SNTG1: variants seen among roughly 807,000 people sequenced by gnomAD.
The protein encoded by SNTG1 is gamma-1-syntrophin.
SNTG1 carries 39 observed loss-of-function variants against 74.7 expected under a neutral mutation model. The observed-to-expected ratio is 0.52, with a 90% CI of 0.40 to 0.68. The LOEUF (loss-of-function observed/expected upper bound fraction) is 0.68. SNTG1 is among the 30% of genes least tolerant of loss of function. SNTG1 has a pLI of 0.00. For missense variants in SNTG1, 685 were observed against 609.5 expected (o/e 1.12, Z -1.30); for synonymous variants, 254 against 217.1 (o/e 1.17, Z -1.49).
At chr8:50,425,226 G>C (rs903991046) in intron 4 of SNTG1, among the ~76,000 whole-genome samples, 1 of 143,110 alleles carries the variant, frequency 7.0e-6, no homozygotes, top group African/African-American at 2.6e-5. Context: ...TTTAACACAG[G>C]GGTCCCAACT....
intron 1 of SNTG1, among the ~76,000 whole-genome samples, chr8:49,928,075 G>A (rs1807195692): frequency 6.7e-6 from 1 of 149,144 alleles, no homozygotes; most frequent in African/African-American, 2.5e-5. Flanking sequence ...GTTGTAGTGA[G>A]CCGAGATCAC....
At chr8:50,136,507 T>A (rs886613590) in intron 1 of SNTG1, among the ~76,000 whole-genome samples, 1 of 152,126 alleles carries the variant, frequency 6.6e-6, no homozygotes, top group Non-Finnish European at 1.5e-5. Flanking sequence ...TAGTGATCAG[T>A]GATGTTGAGC....
chr8:50,611,173 A>G (rs1236342267), intron 13 of SNTG1, among the ~76,000 whole-genome samples: 1 of 152,144 alleles, frequency 6.6e-6, no homozygotes, highest in Admixed American at 6.6e-5. Flanking sequence ...GCCTGAGAGG[A>G]GATGTATCCT....
At chr8:50,361,713 A>T (rs1645299757) in intron 2 of SNTG1, among the ~76,000 whole-genome samples, 1 of 151,956 alleles carries the variant, frequency 6.6e-6, no homozygotes, top group African/African-American at 2.4e-5. Context: ...TTCCTTTATA[A>T]TCTTACGGGA....
At chr8:50,174,162 T>A (rs1198245663) in intron 2 of SNTG1, among the ~76,000 whole-genome samples, 3 of 152,244 alleles carry the variant, frequency 2.0e-5, no homozygotes, top group African/African-American at 7.2e-5. Flanking sequence ...GCAAAGGACA[T>A]GAACTCATTC....
chr8:50,292,629 G>A, intron 2 of SNTG1, among the ~76,000 whole-genome samples: 1 of 152,122 alleles, frequency 6.6e-6, no homozygotes, highest in South Asian at 2.1e-4. Context: ...AAGACAATGA[G>A]AAGATGTGGG....
At chr8:50,707,903 A>G (rs1451060498) in intron 16 of SNTG1, 1 of 393,364 alleles carries the variant, frequency 2.5e-6, no homozygotes, top group Non-Finnish European at 4.5e-6. Context: ...CAGTATCCGT[A>G]TTTACTATGA....
At position 50,402,887 on chromosome 8, in the gene SNTG1, A is replaced by G. The variant is rs112558451; in HGVS notation, c.162+543A>G. The stretch of plus-strand genomic sequence containing the variant: ...ATTCTTTTCTCCAATGCTCCAACCC[A>G]TTGACACATTACACTGCTCCTAATC... On this transcript the variant is annotated intron_variant, in intron 4 of 18. Coordinates refer to ENST00000642720, the MANE Select transcript of SNTG1 (RefSeq NM_018967.5). Among the ~76,000 whole-genome samples the G allele has an allele frequency of 5.5e-3, 833 of 152,300 alleles. 5 individuals are homozygous for G. The highest frequency in any genetic ancestry group is 0.019 in the African/African-American group (796 of 41,566).
intron 1 of SNTG1, among the ~76,000 whole-genome samples, chr8:50,165,023 C>T (rs2082564028): frequency 1.3e-5 from 2 of 152,078 alleles, no homozygotes; most frequent in African/African-American, 4.8e-5. Context: ...CTTCCCCCTC[C>T]CCAGCAGGAA....
chr8:50,608,444 G>T (rs2130970754), intron 13 of SNTG1, among the ~76,000 whole-genome samples: 1 of 151,772 alleles, frequency 6.6e-6, no homozygotes, highest in South Asian at 2.1e-4. Context: ...GTGTCATCAT[G>T]AAATGTCGTT....
chr8:49,921,928 A>G (rs1418012270), intron 1 of SNTG1, among the ~76,000 whole-genome samples: 1 of 152,132 alleles, frequency 6.6e-6, no homozygotes, highest in African/African-American at 2.4e-5. Flanking sequence ...ACTTTACTTG[A>G]AAGGCTGACA....
intron 1 of SNTG1, among the ~76,000 whole-genome samples, chr8:49,941,148 TGGGTGGTTTCACAAAG>T (rs1324273980): frequency 6.6e-6 from 1 of 151,966 alleles, no homozygotes; most frequent in African/African-American, 2.4e-5. Flanking sequence ...AACGCAAGAG[TGGGTGGTTTCACAAAG>T]GGGGGTTTCC....
intron 1 of SNTG1, among the ~76,000 whole-genome samples, chr8:49,928,522 C>T (rs903125934): frequency 2.0e-5 from 3 of 151,940 alleles, no homozygotes; most frequent in Non-Finnish European, 4.4e-5. Flanking sequence ...TGAGCCACCG[C>T]GACCGGCCAG....
chr8:50,447,377 C>T (rs753630253), intron 5 of SNTG1, among the ~76,000 whole-genome samples: 2 of 152,180 alleles, frequency 1.3e-5, no homozygotes, highest in African/African-American at 2.4e-5. Context: ...CATTGTTGTT[C>T]CCTGTCCCAA....
chr8:50,301,595 A>T (rs1002538536), intron 2 of SNTG1, among the ~76,000 whole-genome samples: 1 of 152,040 alleles, frequency 6.6e-6, no homozygotes, highest in Non-Finnish European at 1.5e-5. Context: ...TTGATTACTG[A>T]CACCTTTCTA....
chr8:50,689,807 A>C (rs1220323867), intron 15 of SNTG1, among the ~76,000 whole-genome samples: 1 of 152,198 alleles, frequency 6.6e-6, no homozygotes, highest in Non-Finnish European at 1.5e-5. Flanking sequence ...TGATTCGGAT[A>C]GTTTCAGAAG....
At chr8:50,017,821 C>T (rs929347159) in intron 1 of SNTG1, among the ~76,000 whole-genome samples, 1 of 151,734 alleles carries the variant, frequency 6.6e-6, no homozygotes, top group Admixed American at 6.6e-5. Context: ...ATTTATTTGA[C>T]GATTCAATAC....
At chr8:50,426,514 A>G (rs775429647) in intron 4 of SNTG1, among the ~76,000 whole-genome samples, 5 of 151,836 alleles carry the variant, frequency 3.3e-5, no homozygotes, top group East Asian at 1.9e-4. Flanking sequence ...AAATATTTTC[A>G]CACAGCTATA....
At chr8:50,597,625 C>A (rs1443074888) in intron 13 of SNTG1, among the ~76,000 whole-genome samples, 3 of 151,716 alleles carry the variant, frequency 2.0e-5, no homozygotes, top group African/African-American at 7.3e-5. Context: ...TTTGAGGAAC[C>A]ACCATACTGT....
Sources: allele counts gnomAD v4.1 joint callset (sites outside exome capture counted in the v4.1 genomes callset), GRCh38; gene constraint gnomAD v4.1.1; transcripts MANE v1.5; gene names NCBI Gene and HGNC (gene_info 2026-07-23, HGNC 2026-07-21).